The following DIAPH2 variants were observed in gnomAD, a reference collection of about 807,000 sequenced individuals.
DIAPH2 encodes protein diaphanous homolog 2.
A neutral mutation model predicts 92.7 loss-of-function variants in DIAPH2; 35 were observed. The observed-to-expected ratio is 0.38, with a 90% CI of 0.29 to 0.50. The LOEUF is 0.50. Among genes scored for constraint, DIAPH2 ranks in the 20% least tolerant of loss-of-function variants. The pLI, the probability that DIAPH2 is intolerant of heterozygous loss-of-function variation, is 0.94. For missense variants in DIAPH2, 701 were observed against 819.5 expected, an observed-to-expected ratio of 0.86 and a Z score of 1.77; for synonymous variants, 301 against 280.4, an observed-to-expected ratio of 1.07 and a Z score of -0.73.
At chrX:97,059,915 C>G (rs1213897606) in intron 17 of DIAPH2, among the ~76,000 whole-genome samples, 1 of 111,739 alleles carries the variant, frequency 8.9e-6, no homozygotes, top group African/African-American at 3.3e-5. Context: ...TGCCCTTTTT[C>G]ATTCTTCTTC....
intron 17 of DIAPH2, among the ~76,000 whole-genome samples, chrX:97,046,336 G>C (rs1008643869): frequency 9.0e-6 from 1 of 110,946 alleles, no homozygotes; most frequent in African/African-American, 3.3e-5. Context: ...TTGATAGGAG[G>C]ATCCTTTTCT....
chrX:97,067,690 A>T (rs2066642986), intron 17 of DIAPH2, among the ~76,000 whole-genome samples: 1 of 111,900 alleles, frequency 8.9e-6, no homozygotes, highest in African/African-American at 3.2e-5. Context: ...TTTAATTTAG[A>T]TGAAAATTAT....
At position 97,141,317 on chromosome X, in the gene DIAPH2, A is replaced by G. The variant is rs187371359; in HGVS notation, c.2590-348A>G. ...TAAGAACATATTTTTGTAATAAAGCAAAGAACAGAATGATGATAAAATAAG... is the reference window on the plus strand; with the variant it reads ...TAAGAACATATTTTTGTAATAAAGCGAAGAACAGAATGATGATAAAATAAG... On this transcript the variant is annotated intron_variant, in intron 21 of 26. Transcript: ENST00000324765. 4.3e-3 allele frequency among the ~76,000 whole-genome samples: 478 copies of G among 111,724 alleles called. 2 individuals carry two copies. Among genetic ancestry groups the G allele is most frequent in the Non-Finnish European group, 6.8e-3 (358 of 52,978 alleles).
chrX:97,524,743 GT>G (rs1177451129), intron 26 of DIAPH2, among the ~76,000 whole-genome samples: 1 of 112,030 alleles, frequency 8.9e-6, no homozygotes, highest in Non-Finnish European at 1.9e-5. Context: ...CATCATTGAT[GT>G]TTCTTTTTCT....
intron 26 of DIAPH2, among the ~76,000 whole-genome samples, chrX:97,503,046 A>G: frequency 8.9e-6 from 1 of 112,475 alleles, no homozygotes; most frequent in East Asian, 2.8e-4. Flanking sequence ...CAGAACCCAT[A>G]GATATTGAAT....
At chrX:97,461,928 A>G (rs1163771621) in intron 26 of DIAPH2, among the ~76,000 whole-genome samples, 1 of 111,841 alleles carries the variant, frequency 8.9e-6, no homozygotes, top group African/African-American at 3.2e-5. Context: ...CTTGGCCTGT[A>G]GGGAACTTCA....
At chrX:96,857,400 C>G (rs1415645788) in intron 4 of DIAPH2, among the ~76,000 whole-genome samples, 1 of 111,851 alleles carries the variant, frequency 8.9e-6, no homozygotes, top group African/African-American at 3.3e-5. Context: ...TCAGAAATTA[C>G]AAGTCATTAC....
intron 26 of DIAPH2, among the ~76,000 whole-genome samples, chrX:97,506,113 CATA>C (rs1038205439): frequency 3.3e-5 from 3 of 91,838 alleles, no homozygotes; most frequent in African/African-American, 1.2e-4. Context: ...TGATTTTCAG[CATA>C]ATGTTTCTGG....
At chrX:97,382,204 C>T (rs2069556009) in intron 24 of DIAPH2, among the ~76,000 whole-genome samples, 1 of 112,267 alleles carries the variant, frequency 8.9e-6, no homozygotes, top group Admixed American at 9.5e-5. Context: ...ATTTTACTTC[C>T]ATCCTGTCTT....
chrX:96,889,096 A>G (rs1489950405), intron 5 of DIAPH2, among the ~76,000 whole-genome samples: 1 of 111,835 alleles, frequency 8.9e-6, no homozygotes, highest in Admixed American at 9.6e-5. Flanking sequence ...ATATAAAAAC[A>G]CCTTTGTACT....
chrX:96,878,193 A>G (rs2065191773), intron 4 of DIAPH2, among the ~76,000 whole-genome samples: 1 of 112,308 alleles, frequency 8.9e-6, no homozygotes, highest in Admixed American at 9.5e-5. Flanking sequence ...CATATTGATT[A>G]TACTGAAGGT....
chrX:96,959,883 C>CTCTT (rs2065836081), intron 16 of DIAPH2, among the ~76,000 whole-genome samples: 1 of 111,499 alleles, frequency 9.0e-6, no homozygotes, highest in Non-Finnish European at 1.9e-5. Context: ...TGTCCTTTCC[C>CTCTT]CATTGCATGT....
chrX:97,506,231 C>A (rs1214368718), intron 26 of DIAPH2, among the ~76,000 whole-genome samples: 1 of 88,254 alleles, frequency 1.1e-5, no homozygotes, highest in Non-Finnish European at 2.1e-5. Context: ...CTCACTGCAA[C>A]CTCTGCCTCC....
In DIAPH2 at chrX:96,932,981, ACTTTT is replaced by A. The variant is rs2065629143; in HGVS notation, c.1089+2143_1089+2147del. On this transcript the variant is annotated intron_variant, in intron 10 of 26. Coordinates refer to ENST00000324765, the MANE Select transcript of DIAPH2 (RefSeq NM_006729.5). ...ATTCTTAATATATACTTCCAATTAG[ACTTTT>A]CTTTATCACATCTCTTCAGTATGCC... Among the ~76,000 whole-genome samples, 3 of 111,451 alleles carry A rather than the reference ACTTTT, an allele frequency of 2.7e-5. No individual in the cohort carries two copies. The Admixed American group carries it at 2.9e-4, about 11-fold the overall frequency.
At chrX:97,361,122 C>T (rs1195291376) in intron 24 of DIAPH2, among the ~76,000 whole-genome samples, 1 of 107,424 alleles carries the variant, frequency 9.3e-6, no homozygotes, top group African/African-American at 3.4e-5. Flanking sequence ...GAACTCCTGG[C>T]CTCAAGCAGT....
chrX:96,958,966 TTATC>T (rs1343295125), intron 16 of DIAPH2, among the ~76,000 whole-genome samples: 1 of 112,033 alleles, frequency 8.9e-6, no homozygotes, highest in Non-Finnish European at 1.9e-5. Context: ...TATATTTTCT[TTATC>T]CATTCATCCG....
chrX:97,551,137 G>A (rs1482302074), intron 26 of DIAPH2, among the ~76,000 whole-genome samples: 3 of 110,553 alleles, frequency 2.7e-5, no homozygotes, highest in Non-Finnish European at 5.7e-5. Flanking sequence ...GCAGGGGAGA[G>A]GTATGAAAAA....
chrX:96,693,539 A>G (rs957162693), intron 1 of DIAPH2, among the ~76,000 whole-genome samples: 17 of 112,252 alleles, frequency 1.5e-4, no homozygotes, highest in African/African-American at 5.2e-4. Context: ...ATGTATACGT[A>G]TAACAGAGAC....
chrX:97,257,783 C>A (rs1324946172), intron 23 of DIAPH2, among the ~76,000 whole-genome samples: 1 of 111,176 alleles, frequency 9.0e-6, no homozygotes, highest in Admixed American at 9.6e-5. Context: ...TTGCCTACTT[C>A]ATATAAATTG....
Sources: allele counts gnomAD v4.1 joint callset (sites outside exome capture counted in the v4.1 genomes callset), GRCh38; gene constraint gnomAD v4.1.1; transcripts MANE v1.5; gene names NCBI Gene and HGNC (gene_info 2026-07-23, HGNC 2026-07-21).